Variants in PPP1R12A observed in about 807,000 individuals in gnomAD.
PPP1R12A encodes protein phosphatase 1 regulatory subunit 12A, also known as myosin binding subunit.
PPP1R12A carries 19 observed loss-of-function variants against 139.6 expected under a neutral mutation model. The observed-to-expected ratio is 0.14, with a 90% CI of 0.09 to 0.20. The LOEUF (loss-of-function observed/expected upper bound fraction) is 0.20, where lower values mean the gene tolerates loss of function less well. PPP1R12A is among the 10% of genes least tolerant of loss of function. PPP1R12A has a pLI of 1.00. For missense variants in PPP1R12A, 925 were observed against 1,211.5 expected, an observed-to-expected ratio of 0.76 and a Z score of 3.51; for synonymous variants, 427 against 420.6, an observed-to-expected ratio of 1.02 and a Z score of -0.19.
intron 19 of PPP1R12A, among the ~76,000 whole-genome samples, chr12:79,792,613 T>A (rs1319338679): frequency 1.3e-5 from 2 of 152,200 alleles, no homozygotes; most frequent in East Asian, 3.8e-4. Flanking sequence ...ACGTATCTCA[T>A]ATGATTTTAA....
chr12:79,802,223 T>G (rs1285820674), intron 14 of PPP1R12A, among the ~76,000 whole-genome samples: 2 of 152,186 alleles, frequency 1.3e-5, no homozygotes, highest in East Asian at 3.9e-4. Flanking sequence ...CTATATTAAC[T>G]TGGCTTAACT....
At chr12:79,789,594 T>A (rs1014692316) in intron 20 of PPP1R12A, 1 of 443,018 alleles carries the variant, frequency 2.3e-6, no homozygotes, top group Non-Finnish European at 4.5e-6. Context: ...GAAATTCAGG[T>A]TACCTTTTCT....
At chr12:79,814,684 C>T (rs1202727806) in intron 9 of PPP1R12A, among the ~76,000 whole-genome samples, 4 of 148,368 alleles carry the variant, frequency 2.7e-5, no homozygotes, top group African/African-American at 9.9e-5. Context: ...GGTGTGGTGG[C>T]AGGTGTCTGT....
intron 4 of PPP1R12A, among the ~76,000 whole-genome samples, chr12:79,830,409 A>AC (rs1284105652): frequency 1.3e-5 from 2 of 152,158 alleles, no homozygotes; most frequent in African/African-American, 4.8e-5. Flanking sequence ...CATATACCAT[A>AC]ATTTATTAAA....
chr12:79,914,980 C>T lies in PPP1R12A; in HGVS notation c.237+19715G>A, dbSNP rs141240712. On this transcript the variant is annotated intron_variant, in intron 1 of 24. Transcript: ENST00000450142. ...CCCCAGTTCTATGAGATACTATAAT[C>T]TTATAAATTATTTAGGCCGGTTCCA... is the stretch of plus-strand genomic sequence containing the variant. Among the ~76,000 whole-genome samples, 35 of 152,168 alleles carry T rather than the reference C, an allele frequency of 2.3e-4. 2 individuals carry two copies. Among genetic ancestry groups the T allele is most frequent in the East Asian group, 1.9e-3 (10 of 5,186 alleles).
intron 23 of PPP1R12A, chr12:79,779,398 A>T (rs1282193754): frequency 1.6e-6 from 2 of 1,227,594 alleles, no homozygotes; most frequent in Non-Finnish European, 2.1e-6. Flanking sequence ...CACTGAAACT[A>T]TTTCCAAGAC....
chr12:79,845,213 T>C, intron 3 of PPP1R12A, 89 bp downstream of exon 3: 1 of 931,576 alleles, frequency 1.1e-6, no homozygotes. Context: ...GAAATTATGA[T>C]TGCCCTTCAA....
chr12:79,869,665 T>C (rs1882354767), intron 2 of PPP1R12A, among the ~76,000 whole-genome samples: 1 of 152,156 alleles, frequency 6.6e-6, no homozygotes, highest in Admixed American at 6.5e-5. Flanking sequence ...TAGTCCAGTA[T>C]TGACAGAGTG....
chr12:79,784,730 C>T (rs1383396660), intron 22 of PPP1R12A, among the ~76,000 whole-genome samples: 5 of 152,046 alleles, frequency 3.3e-5, no homozygotes, highest in African/African-American at 4.8e-5. Flanking sequence ...CTCCACCTCC[C>T]GGGTTCAAGC....
intron 3 of PPP1R12A, among the ~76,000 whole-genome samples, chr12:79,840,573 C>T (rs1038095967): frequency 7.2e-5 from 11 of 152,174 alleles, no homozygotes; most frequent in Admixed American, 6.5e-4. Context: ...CTCATCTAAT[C>T]ATCACTTCTT....
intron 23 of PPP1R12A, among the ~76,000 whole-genome samples, chr12:79,781,349 A>T (rs984580802): frequency 3.9e-5 from 6 of 152,170 alleles, no homozygotes; most frequent in South Asian, 4.1e-4. Flanking sequence ...TCAAAATTTT[A>T]AAAAATTATT....
intron 24 of PPP1R12A, 169 bp downstream of exon 24, chr12:79,778,381 T>C (rs1870002356): frequency 2.4e-6 from 1 of 414,478 alleles, no homozygotes; most frequent in Admixed American, 4.3e-5. Flanking sequence ...GACCCTCTTC[T>C]GGCTCACTAA....
chr12:79,801,912 A>G (rs908263466), intron 14 of PPP1R12A, among the ~76,000 whole-genome samples: 3 of 152,194 alleles, frequency 2.0e-5, no homozygotes, highest in Non-Finnish European at 4.4e-5. Flanking sequence ...CATCCAACAT[A>G]CTTATATTAA....
intron 1 of PPP1R12A, among the ~76,000 whole-genome samples, chr12:79,894,495 T>TAC (rs879931454): frequency 5.8e-4 from 89 of 152,210 alleles, no homozygotes; most frequent in South Asian, 1.7e-3. Context: ...AATCTTAAAA[T>TAC]ACACACACAC....
Position 79,786,581 on chromosome 12 carries a change from T to C in PPP1R12A, c.2803-103A>G. On this transcript the variant is annotated intron_variant, in intron 21 of 24. Coordinates refer to ENST00000450142, the MANE Select transcript of PPP1R12A (RefSeq NM_002480.3). ...AATATTAAAACAGCTTAATGTAGCA[T>C]ATGAGCTATAAAGGATACATTTAAA... 3 of 690,182 alleles carry C rather than the reference T, an allele frequency of 4.3e-6. No homozygotes were observed. The South Asian group carries it at 6.4e-5, about 15-fold the overall frequency. The allele number at this position is 690,182 out of a possible 1,614,324, so 42.8% of individuals were successfully genotyped here. A position where few individuals can be genotyped will look rare whatever the true frequency, so the allele number is the denominator to read the frequency against.
intron 2 of PPP1R12A, among the ~76,000 whole-genome samples, chr12:79,856,848 A>C (rs954239423): frequency 1.3e-5 from 2 of 152,240 alleles, no homozygotes; most frequent in Non-Finnish European, 2.9e-5. Flanking sequence ...CAAGTGTTGG[A>C]AACAGAACCG....
chr12:79,832,092 T>A (rs1000166538), intron 4 of PPP1R12A, among the ~76,000 whole-genome samples: 1 of 152,152 alleles, frequency 6.6e-6, no homozygotes, highest in African/African-American at 2.4e-5. Context: ...GACTGACACT[T>A]AAATTCAACT....
intron 14 of PPP1R12A, among the ~76,000 whole-genome samples, chr12:79,804,894 G>A (rs775236624): frequency 2.2e-4 from 34 of 152,060 alleles, no homozygotes; most frequent in Non-Finnish European, 3.5e-4. Flanking sequence ...AGTTTCCTTC[G>A]GTAAAGCAAG....
intron 3 of PPP1R12A, among the ~76,000 whole-genome samples, chr12:79,832,859 A>G (rs1360982165): frequency 6.6e-6 from 1 of 151,754 alleles, no homozygotes; most frequent in Non-Finnish European, 1.5e-5. Context: ...TACTGTTTTG[A>G]TCTGTTCTAT....
Sources: gnomAD v4.1 joint callset for allele counts (sites outside exome capture counted in the v4.1 genomes callset) on GRCh38, gnomAD v4.1.1 for gene constraint, MANE v1.5 for transcripts, NCBI Gene and HGNC (gene_info 2026-07-23, HGNC 2026-07-21) for gene names.